The following TRPM3 variants were observed in gnomAD, a reference collection of about 807,000 sequenced individuals.
TRPM3 encodes long transient receptor potential channel 3.
A neutral mutation model predicts 181.2 loss-of-function variants in TRPM3; 77 were observed. That is an observed-to-expected ratio of 0.42 (90% CI 0.35 to 0.51). The LOEUF is 0.51. Among genes scored for constraint, TRPM3 ranks in the 20% least tolerant of loss-of-function variants. TRPM3 has a pLI of 0.01. For synonymous variants in TRPM3, 745 were observed against 796.4 expected, an observed-to-expected ratio of 0.94 and a Z score of 1.09; for missense variants, 1,759 against 2,196.7, an observed-to-expected ratio of 0.80 and a Z score of 3.98.
At chr9:70,616,573 CAA>C (rs398113513) in intron 17 of TRPM3, among the ~76,000 whole-genome samples, 6 of 121,430 alleles carry the variant, frequency 4.9e-5, no homozygotes, top group Non-Finnish European at 5.1e-5. Context: ...ATTATCTCTG[CAA>C]AAAAAAAAAA....
chr9:71,191,102 G>A (rs34984694), intron 1 of TRPM3, among the ~76,000 whole-genome samples: 5,790 of 151,876 alleles, frequency 0.038, 154 homozygotes, highest in East Asian at 0.11. Flanking sequence ...GGAAAGTTAA[G>A]TGATACTGTA....
chr9:70,866,774 G>A (rs1359713749), intron 1 of TRPM3, among the ~76,000 whole-genome samples: 1 of 151,952 alleles, frequency 6.6e-6, no homozygotes, highest in Admixed American at 6.6e-5. Context: ...GAGTTGTTGG[G>A]ATAATCAAAC....
intron 6 of TRPM3, chr9:70,811,288 G>T (rs1367713355): frequency 1.3e-6 from 2 of 1,496,618 alleles, no homozygotes; most frequent in Non-Finnish European, 1.8e-6. Flanking sequence ...CCCTGTGGTT[G>T]CATACACATT....
chr9:71,153,693 G>A (rs1272930674), intron 1 of TRPM3, among the ~76,000 whole-genome samples: 1 of 152,052 alleles, frequency 6.6e-6, no homozygotes, highest in Admixed American at 6.6e-5. Flanking sequence ...GTCAAAGAGG[G>A]TCAGGATCGT....
chr9:71,220,635 G>A (rs2080183307), intron 1 of TRPM3, among the ~76,000 whole-genome samples: 1 of 152,050 alleles, frequency 6.6e-6, no homozygotes, highest in South Asian at 2.1e-4. Flanking sequence ...TCTAATCCCA[G>A]CTCCACTCCT....
At chr9:70,952,818 A>G (rs2993000) in intron 1 of TRPM3, among the ~76,000 whole-genome samples, 29,536 of 152,066 alleles carry the variant, frequency 0.19, 2,972 homozygotes, top group East Asian at 0.29. Flanking sequence ...ATGCACGTGA[A>G]ATATTCTGGA....
In TRPM3 at chr9:71,282,357, G is replaced by GA. The variant is rs1168590631; in HGVS notation, c.183+164295dup. Among the ~76,000 whole-genome samples, 39 of 89,186 alleles carry GA rather than the reference G, an allele frequency of 4.4e-4. 6 individuals carry two copies. The highest frequency in any genetic ancestry group is 9.4e-3 in the Middle Eastern group (2 of 212). 58.5% of individuals were successfully genotyped at this position (89,186 alleles called of 152,430 possible). A position where few individuals can be genotyped will look rare whatever the true frequency, so the allele number is the denominator to read the frequency against. ...GAGAGAAAGAAAGAAAAGAAAGAAA[G>GA]AAAAAGAAAGAATGAAAGAAAGAAA... On this transcript the variant is annotated intron_variant, in intron 1 of 24. Transcript: ENST00000357533.
At chr9:70,840,287 T>A (rs1300721066) in intron 5 of TRPM3, among the ~76,000 whole-genome samples, 1 of 152,016 alleles carries the variant, frequency 6.6e-6, no homozygotes, top group Admixed American at 6.6e-5. Context: ...GGTAACAGAG[T>A]GGTCAAAATT....
chr9:71,399,695 A>AT (rs905849653), intron 1 of TRPM3, among the ~76,000 whole-genome samples: 25 of 150,430 alleles, frequency 1.7e-4, no homozygotes, highest in East Asian at 3.9e-4. Context: ...CGCCCAGCTA[A>AT]TTTTTTTTTG....
At position 70,536,299 on chromosome 9, in the gene TRPM3, G is replaced by C; in HGVS notation, c.4814C>G (p.Pro1605Arg). The C allele has an allele frequency of 9.9e-6, 16 of 1,614,152 alleles. No individual in the cohort carries two copies. Among genetic ancestry groups the C allele is most frequent in the Non-Finnish European group, 1.4e-5 (16 of 1,180,034 alleles). ...CTCATTCTCCTCACTGTCAGAGCTG[G>C]GGTGACTCAGTTCTGCTTCTCGCTC... is the stretch of plus-strand genomic sequence containing the variant. ...HPEREAELSHPSSDSEENEAK... is the reference protein window; with the variant it reads ...HPEREAELSHRSSDSEENEAK... Residue 1605 changes from proline (P) to arginine (R), a missense_variant, in exon 26 of 26, where the codon CCC (proline) becomes CGC (arginine). By Grantham distance (103) the Pro-to-Arg change is moderately radical (BLOSUM62 -2). Transcript: ENST00000677713.
At chr9:71,394,149 G>A (rs560999663) in intron 1 of TRPM3, among the ~76,000 whole-genome samples, 23 of 152,276 alleles carry the variant, frequency 1.5e-4, no homozygotes, top group African/African-American at 5.3e-4. Flanking sequence ...TATTTAACAT[G>A]AGAAGTTTTA....
chr9:70,935,981 A>C (rs1373625860), intron 1 of TRPM3, among the ~76,000 whole-genome samples: 2 of 151,960 alleles, frequency 1.3e-5, no homozygotes, highest in South Asian at 2.1e-4. Context: ...AATACACTTT[A>C]CTCCCTTCAA....
chr9:71,018,262 T>C (rs923014258), intron 1 of TRPM3, among the ~76,000 whole-genome samples: 9 of 151,016 alleles, frequency 6.0e-5, no homozygotes, highest in African/African-American at 1.9e-4. Flanking sequence ...CCAAGGTCTA[T>C]CTCAAGAAGC....
At chr9:70,922,484 T>C (rs4615646) in intron 1 of TRPM3, among the ~76,000 whole-genome samples, 13,313 of 152,228 alleles carry the variant, frequency 0.087, 673 homozygotes, top group African/African-American at 0.14. Context: ...ATTTATATCT[T>C]CATAAAGCTG....
At chr9:70,559,270 T>C (rs918829292) in intron 22 of TRPM3, among the ~76,000 whole-genome samples, 1 of 152,178 alleles carries the variant, frequency 6.6e-6, no homozygotes, top group Non-Finnish European at 1.5e-5. Context: ...TGACCTGCAA[T>C]GTCAGGCCAC....
At chr9:70,789,721 G>A (rs1248805242) in intron 6 of TRPM3, among the ~76,000 whole-genome samples, 1 of 152,224 alleles carries the variant, frequency 6.6e-6, no homozygotes, top group Non-Finnish European at 1.5e-5. Flanking sequence ...TAGAGCATAC[G>A]AAAATGTGAG....
intron 1 of TRPM3, among the ~76,000 whole-genome samples, chr9:71,187,155 C>G (rs1211553326): frequency 6.6e-6 from 1 of 151,946 alleles, no homozygotes; most frequent in Admixed American, 6.6e-5. Flanking sequence ...TAACAGTACT[C>G]AATTTCTTCA....
chr9:70,840,789 C>T (rs961946431), intron 5 of TRPM3, among the ~76,000 whole-genome samples: 26 of 152,162 alleles, frequency 1.7e-4, no homozygotes, highest in African/African-American at 5.8e-4. Flanking sequence ...CAAAATAATA[C>T]AAAGAGCCAG....
chr9:71,420,789 G>GAAAGAGAA lies in TRPM3; in HGVS notation c.183+25863_183+25864insTTCTCTTT, dbSNP rs1486977374. Among the ~76,000 whole-genome samples the GAAAGAGAA allele has an allele frequency of 1.4e-4, 6 of 44,086 alleles. No individual in the cohort carries two copies. In the East Asian group the frequency reaches 1.5e-3, roughly 11 times the overall value. The allele number at this position is 44,086 out of a possible 152,430, so 28.9% of individuals were successfully genotyped here. On this transcript the variant is annotated intron_variant, in intron 1 of 24. Transcript: ENST00000357533. ...AGAAAGAGAGAGAAAGAGAGAGAAA[G>GAAAGAGAA]AGAGAGAAAGAAAGAGAGAAAGAAA...
Sources: gnomAD v4.1 joint callset for allele counts (sites outside exome capture counted in the v4.1 genomes callset) on GRCh38, gnomAD v4.1.1 for gene constraint, MANE v1.5 for transcripts, NCBI Gene and HGNC (gene_info 2026-07-23, HGNC 2026-07-21) for gene names.